Variants in SRRM1 observed in about 807,000 individuals in gnomAD.
The protein encoded by SRRM1 is serine and arginine repetitive matrix 1, also known as serine/arginine repetitive matrix protein 1.
Under a neutral mutation model 110.2 loss-of-function variants are expected in SRRM1, and 19 were observed. The observed-to-expected ratio is 0.17, with a 90% CI of 0.12 to 0.25. SRRM1 has a LOEUF of 0.25. Ranked by LOEUF, SRRM1 falls within the 10% of genes least tolerant of loss-of-function variation. The probability of loss-of-function intolerance (pLI) is 1.00; values close to 1 mark genes in which losing one functional copy is unlikely to be tolerated. For missense variants in SRRM1, 918 were observed against 1,145.8 expected (o/e 0.80, Z 2.87); for synonymous variants, 443 against 414.9 (o/e 1.07, Z -0.82).
At chr1:24,663,040 A>G in intron 12 of SRRM1, 2 of 969,434 alleles carry the variant, frequency 2.1e-6, no homozygotes, top group Non-Finnish European at 3.0e-6. Flanking sequence ...GCATGATTAG[A>G]AAAATAAACC....
intron 2 of SRRM1, 52 bp from the exon 3 acceptor site, chr1:24,646,615 A>T: frequency 2.8e-6 from 4 of 1,451,264 alleles, no homozygotes; most frequent in Non-Finnish European, 3.7e-6. Flanking sequence ...TAACTTGAGC[A>T]TTTTTTTTTA....
chr1:24,665,056 A>C lies in SRRM1; in HGVS notation c.1629-1759A>C, dbSNP rs149812396. ...GCAGCTTCAAGTTTAATGCCATTAG[A>C]AATTGCCATCAGGTTCCTAGGATTT... On this transcript the variant is annotated intron_variant, in intron 12 of 16. Transcript: ENST00000323848. 2.0e-3 allele frequency among the ~76,000 whole-genome samples: 304 copies of C among 152,304 alleles called. 3 individuals carry two copies. Among genetic ancestry groups the C allele is most frequent in the Non-Finnish European group, 3.6e-3 (245 of 68,024 alleles).
chr1:24,665,148 C>G (rs539659827), intron 12 of SRRM1, among the ~76,000 whole-genome samples: 1 of 151,914 alleles, frequency 6.6e-6, no homozygotes, highest in African/African-American at 2.4e-5. Context: ...AGATAGAGGC[C>G]GGGTGCGGTG....
At position 24,669,409 on chromosome 1, in the gene SRRM1, C is replaced by T; in HGVS notation, c.2026C>T (p.Pro676Ser). The change falls in exon 14 of 17, where the codon CCA (proline) becomes TCA (serine). Residue 676 changes from proline to serine, a missense_variant. Physicochemically the swap from Pro to Ser is moderately conservative, Grantham distance 74 (BLOSUM62 -1). This residue lies in a region of SRRM1 where 357 missense variants were observed against 402.9 expected (regional missense o/e 0.89). Coordinates refer to ENST00000323848, the MANE Select transcript of SRRM1 (RefSeq NM_005839.4). Reference protein sequence around the residue: ...PSRSTREARSPQPNKRHSPSP... With the variant: ...PSRSTREARSSQPNKRHSPSP... ...CCGCTCTACCCGGGAGGCCCGATCA[C>T]CACAACCAAACAAACGGCATTCGCC... 6.2e-7 allele frequency: 1 copy of T among 1,614,188 alleles called. No individual in the cohort carries two copies.
intron 12 of SRRM1, among the ~76,000 whole-genome samples, chr1:24,663,865 A>T (rs944935158): frequency 2.1e-5 from 3 of 139,562 alleles, no homozygotes; most frequent in African/African-American, 8.1e-5. Context: ...AACAGAGCTA[A>T]ATTCCCTCTC....
rs749459813 is a variant in SRRM1 at position 24,662,631 on chromosome 1, G to A, written c.1484-29G>A. On this transcript the variant is annotated intron_variant, in intron 11 of 16. Transcript: ENST00000323848. ...GGACAGATTCAAGCACAAACCTAATGTAATATTTTTTTAATTTTGTAATTA... is the reference window on the plus strand; with the variant it reads ...GGACAGATTCAAGCACAAACCTAATATAATATTTTTTTAATTTTGTAATTA... 38 of 1,606,330 alleles carry A rather than the reference G, an allele frequency of 2.4e-5. 1 individual carries two copies. In the South Asian group the frequency reaches 4.0e-4, roughly 17 times the overall value.
chr1:24,652,706 T>A (rs1661686727), intron 7 of SRRM1, 78 bp downstream of exon 7: 1 of 1,391,648 alleles, frequency 7.2e-7, no homozygotes, highest in South Asian at 1.5e-5. Flanking sequence ...ATAAATAATT[T>A]CAAAGTGGTA....
intron 11 of SRRM1, among the ~76,000 whole-genome samples, chr1:24,662,114 A>G (rs1413287856): frequency 1.3e-5 from 2 of 152,134 alleles, no homozygotes; most frequent in African/African-American, 4.8e-5. Context: ...AAAAATAATA[A>G]TAATCTACCC....
intron 16 of SRRM1, 83 bp from the exon 17 acceptor site, chr1:24,672,099 C>A: frequency 1.9e-6 from 2 of 1,056,364 alleles, no homozygotes; most frequent in Non-Finnish European, 2.8e-6. Context: ...TGATGTTCCC[C>A]TCCCACACTT....
At chr1:24,668,903 T>C (rs1246645756) in intron 13 of SRRM1, among the ~76,000 whole-genome samples, 2 of 152,228 alleles carry the variant, frequency 1.3e-5, no homozygotes, top group African/African-American at 4.8e-5. Flanking sequence ...TTTTTTTCTT[T>C]TTTGTACTTA....
chr1:24,663,096 A>T (rs530338277), intron 12 of SRRM1: 1 of 1,237,940 alleles, frequency 8.1e-7, no homozygotes, highest in Non-Finnish European at 1.1e-6. Flanking sequence ...ATATTTAAAA[A>T]TGTCTCCATT....
intron 12 of SRRM1, 125 bp from the exon 13 acceptor site, chr1:24,666,690 G>A (rs180842313): frequency 9.8e-5 from 65 of 662,820 alleles, no homozygotes; most frequent in Non-Finnish European, 1.5e-4. Context: ...GCTTGAACCT[G>A]GGAGGCGGAG....
chr1:24,649,008 A>G lies in SRRM1; in HGVS notation c.384A>G (p.Lys128=). The G allele has an allele frequency of 2.5e-6, 4 of 1,612,050 alleles. No homozygotes were observed. The highest frequency in any genetic ancestry group is 3.4e-6 in the Non-Finnish European group (4 of 1,179,542). The part of the protein sequence containing the change: ...GIPSAFLELK[K]EEIKQRQIEQ... ...CTTCTGCTTTCCTAGAACTGAAGAA[A>G]GAAGAAATAAAACAAAGACAGGTAA... Residue 128 remains lysine, a synonymous_variant, in exon 4 of 17, where the codon AAA becomes AAG. Transcript: ENST00000323848.
intron 12 of SRRM1, among the ~76,000 whole-genome samples, chr1:24,665,429 C>CAAA (rs1217512447): frequency 9.5e-6 from 1 of 104,796 alleles, no homozygotes; most frequent in African/African-American, 3.7e-5. Context: ...AACTCCGTCT[C>CAAA]AAAAAAAAAA....
At chr1:24,652,727 A>T (rs1661701978) in intron 7 of SRRM1, 99 bp downstream of exon 7, 3 of 1,328,892 alleles carry the variant, frequency 2.3e-6, no homozygotes, top group East Asian at 2.4e-5. Context: ...GAAGATGTTT[A>T]GTACAAATAT....
chr1:24,650,539 A>G (rs1441449485), intron 5 of SRRM1: 2 of 152,218 alleles, frequency 1.3e-5, no homozygotes. Flanking sequence ...CAAACTTCAG[A>G]TCATTTATTT....
chr1:24,669,060 A>G, intron 13 of SRRM1, 63 bp from the exon 14 acceptor site: 1 of 1,405,540 alleles, frequency 7.1e-7, no homozygotes, highest in South Asian at 1.3e-5. Flanking sequence ...CCTACTGATT[A>G]CTTTTCATCC....
intron 1 of SRRM1, chr1:24,643,714 G>A: frequency 3.3e-6 from 1 of 299,890 alleles, no homozygotes; most frequent in Non-Finnish European, 6.1e-6. Context: ...CGAGTGGGAG[G>A]CCAAAGGAAA....
chr1:24,653,263 T>C (rs937994776), intron 8 of SRRM1, among the ~76,000 whole-genome samples: 2 of 152,220 alleles, frequency 1.3e-5, no homozygotes, highest in Non-Finnish European at 2.9e-5. Flanking sequence ...TTGATACTTT[T>C]CTGTTAACTT....
Sources: allele counts gnomAD v4.1 joint callset (sites outside exome capture counted in the v4.1 genomes callset), GRCh38; gene constraint gnomAD v4.1.1; regional missense constraint gnomAD v4.1.1; transcripts MANE v1.5; gene names NCBI Gene and HGNC (gene_info 2026-07-23, HGNC 2026-07-21).